Variants in ZNF547 observed in about 807,000 individuals in gnomAD.
ZNF547 encodes the protein zinc finger protein 547.
Under a neutral mutation model 7.7 loss-of-function variants are expected in ZNF547, and 4 were observed. The observed-to-expected ratio is 0.52, with a 90% CI of 0.26 to 1.20. ZNF547 has a LOEUF of 1.20. Among genes scored for constraint, ZNF547 ranks in the 50% most tolerant of loss-of-function variants. ZNF547 has a pLI of 0.14. For missense variants in ZNF547, 449 were observed against 485.8 expected (o/e 0.92, Z 0.71); for synonymous variants, 166 against 166.2 (o/e 1.00, Z 0.01).
rs372279002 is a variant in ZNF547, at chr19:57,375,360, G to A, written c.152-1768G>A. Among the ~76,000 whole-genome samples, 263 of 150,864 alleles carry A rather than the reference G, an allele frequency of 1.7e-3. 2 individuals are homozygous for A. The highest frequency in any genetic ancestry group is 4.3e-3 in the African/African-American group (178 of 41,034). The stretch of plus-strand genomic sequence containing the variant: ...GCAAAACTCTGTCTCAAAGAGATAC[G>A]CGATACTTGGCCAGGCTTGGTGGCC... On this transcript the variant is annotated intron_variant, in intron 3 of 3. Coordinates refer to ENST00000282282, the MANE Select transcript of ZNF547 (RefSeq NM_173631.4).
chr19:57,374,307 C>A (rs1254156316), intron 3 of ZNF547, among the ~76,000 whole-genome samples: 1 of 152,204 alleles, frequency 6.6e-6, no homozygotes, highest in East Asian at 1.9e-4. Flanking sequence ...GGCGCCATGT[C>A]CCGAGGCTGC....
intron 2 of ZNF547, among the ~76,000 whole-genome samples, chr19:57,370,191 C>T (rs778520751): frequency 3.1e-4 from 47 of 152,034 alleles, no homozygotes; most frequent in Non-Finnish European, 4.9e-4. Context: ...GCACCCAGCC[C>T]ATAGTTCTTC....
At chr19:57,365,177 A>G (rs762797560) in intron 1 of ZNF547, 8 of 1,593,444 alleles carry the variant, frequency 5.0e-6, no homozygotes, top group Middle Eastern at 3.3e-4. Flanking sequence ...AATCCATTTT[A>G]TGAACCCAAT....
chr19:57,369,995 C>A (rs964831132), intron 2 of ZNF547, among the ~76,000 whole-genome samples: 1 of 143,682 alleles, frequency 7.0e-6, no homozygotes, highest in East Asian at 2.1e-4. Flanking sequence ...CAGGTTCAAG[C>A]GATTCTTCTG....
At chr19:57,372,265 G>C (rs1473111273) in intron 3 of ZNF547, among the ~76,000 whole-genome samples, 1 of 152,164 alleles carries the variant, frequency 6.6e-6, no homozygotes, top group East Asian at 1.9e-4. Flanking sequence ...TGGAATTTCT[G>C]GCACTGACCT....
At chr19:57,365,271 A>G in intron 1 of ZNF547, 6 of 1,494,072 alleles carry the variant, frequency 4.0e-6, no homozygotes, top group Non-Finnish European at 5.5e-6. Flanking sequence ...AGAAAATTCC[A>G]AAATAAATTA....
chr19:57,374,955 A>C (rs2088527145), intron 3 of ZNF547, among the ~76,000 whole-genome samples: 1 of 152,158 alleles, frequency 6.6e-6, no homozygotes, highest in Admixed American at 6.5e-5. Flanking sequence ...TCTGCCTGTT[A>C]CCCAGTTCCA....
chr19:57,365,777 G>A (rs57415004), intron 1 of ZNF547, among the ~76,000 whole-genome samples: 241 of 151,482 alleles, frequency 1.6e-3, no homozygotes, highest in African/African-American at 5.6e-3. Context: ...AAAGTGCTGG[G>A]ATTACAGGCA....
In ZNF547 at chr19:57,378,322, T is replaced by G. The variant is rs1236387211; in HGVS notation, c.*137T>G. ...TATGTAGGTACAGCTCTCCAGTCGC[T>G]ATGTATCAGAGAATTCACACTGCAG... On this transcript the variant is annotated 3_prime_UTR_variant, in exon 4 of 4. Transcript: ENST00000282282. 2.5e-6 allele frequency: 2 copies of G among 813,864 alleles called. No homozygotes were observed. The highest frequency in any genetic ancestry group is 4.0e-6 in the Non-Finnish European group (2 of 498,358). The allele number at this position is 813,864 out of a possible 1,614,324, so 50.4% of individuals were successfully genotyped here.
At chr19:57,365,047 G>C (rs780514143) in intron 1 of ZNF547, 1 of 1,611,964 alleles carries the variant, frequency 6.2e-7, no homozygotes, top group East Asian at 2.2e-5. Flanking sequence ...CGAGTGGTTT[G>C]TGTCAGCATT....
intron 3 of ZNF547, among the ~76,000 whole-genome samples, 188 bp from the exon 4 acceptor site, chr19:57,376,940 C>A (rs2088539434): frequency 6.6e-6 from 1 of 152,146 alleles, no homozygotes; most frequent in African/African-American, 2.4e-5. Context: ...TCAGTCAGTG[C>A]TGAAACCGTT....
chr19:57,368,706 G>A, intron 2 of ZNF547, 127 bp downstream of exon 2: 3 of 896,802 alleles, frequency 3.3e-6, no homozygotes, highest in Non-Finnish European at 5.3e-6. Flanking sequence ...TGTCTGAAAA[G>A]TGAGTGATTC....
chr19:57,373,265 A>G (rs1461281695), intron 3 of ZNF547, among the ~76,000 whole-genome samples: 1 of 152,100 alleles, frequency 6.6e-6, no homozygotes, highest in African/African-American at 2.4e-5. Flanking sequence ...AAAACCAGCA[A>G]ATTTCATGAG....
intron 2 of ZNF547, among the ~76,000 whole-genome samples, chr19:57,369,917 T>TTTTTTTTTTTTTTTTTTTG: frequency 7.4e-6 from 1 of 134,334 alleles, no homozygotes; most frequent in Non-Finnish European, 1.6e-5. Context: ...TTTTTTTTTT[T>TTTTTTTTTTTTTTTTTTTG]TTTTTTGAGA....
chr19:57,370,027 G>C (rs892147049), intron 2 of ZNF547, among the ~76,000 whole-genome samples: 2 of 148,648 alleles, frequency 1.3e-5, no homozygotes, highest in African/African-American at 5.0e-5. Flanking sequence ...TGAATAGCTG[G>C]GACGACAGAC....
chr19:57,364,467 G>GTATCATTAACAAA, intron 1 of ZNF547: 2 of 259,636 alleles, frequency 7.7e-6, no homozygotes, highest in South Asian at 5.0e-5. Flanking sequence ...GGGTGGCCGG[G>GTATCATTAACAAA]CGTGGTGGCT....
At chr19:57,367,485 A>G (rs1011107490) in intron 1 of ZNF547, among the ~76,000 whole-genome samples, 4 of 151,652 alleles carry the variant, frequency 2.6e-5, no homozygotes, top group African/African-American at 9.7e-5. Flanking sequence ...CTGAGGATCC[A>G]ATTTGGTAGG....
At chr19:57,375,336 C>G (rs1177755498) in intron 3 of ZNF547, among the ~76,000 whole-genome samples, 3 of 149,550 alleles carry the variant, frequency 2.0e-5, no homozygotes, top group Non-Finnish European at 4.5e-5. Flanking sequence ...GGTGACAGAG[C>G]AAAACTCTGT....
chr19:57,369,899 C>CTTTTGTTTTTTTTTT (rs2088493739), intron 2 of ZNF547, among the ~76,000 whole-genome samples: 1 of 51,678 alleles, frequency 1.9e-5, no homozygotes, highest in African/African-American at 7.8e-5. Context: ...ACTCACAGTT[C>CTTTTGTTTTTTTTTT]TTTTTTTTTT....
Sources: gnomAD v4.1 joint callset for allele counts (sites outside exome capture counted in the v4.1 genomes callset) on GRCh38, gnomAD v4.1.1 for gene constraint, MANE v1.5 for transcripts, NCBI Gene and HGNC (gene_info 2026-07-23, HGNC 2026-07-21) for gene names.